The following CDK14 variants were observed in gnomAD, a reference collection of about 807,000 sequenced individuals.
CDK14 encodes the protein cyclin dependent kinase 14, also known as cyclin-dependent kinase 14.
In CDK14, 34 loss-of-function variants were observed where a neutral mutation model predicts 60.7. The observed-to-expected ratio is 0.56, with a 90% CI of 0.43 to 0.75. The LOEUF is 0.75. Ranked by LOEUF, CDK14 falls within the 30% of genes least tolerant of loss-of-function variation. The probability of loss-of-function intolerance (pLI) is 0.00; values close to 1 mark genes in which losing one functional copy is unlikely to be tolerated. For synonymous variants in CDK14, 197 were observed against 203.7 expected, an observed-to-expected ratio of 0.97 and a Z score of 0.28; for missense variants, 482 against 564.1, an observed-to-expected ratio of 0.85 and a Z score of 1.47.
intron 12 of CDK14, among the ~76,000 whole-genome samples, chr7:91,097,817 G>A (rs921968172): frequency 1.3e-5 from 2 of 152,122 alleles, no homozygotes; most frequent in African/African-American, 2.4e-5. Flanking sequence ...GAAAAACATC[G>A]CTAGCACGTA....
chr7:90,894,833 C>T (rs1424533664), intron 6 of CDK14, among the ~76,000 whole-genome samples: 3 of 152,208 alleles, frequency 2.0e-5, no homozygotes, highest in African/African-American at 7.2e-5. Context: ...TAGAGGATCA[C>T]ATTAACATAT....
intron 2 of CDK14, among the ~76,000 whole-genome samples, chr7:90,668,893 AT>A (rs59557254): frequency 6.8e-6 from 1 of 147,148 alleles, no homozygotes; most frequent in African/African-American, 2.5e-5. Context: ...TTGTTTATTT[AT>A]TTTTTTTTAC....
chr7:90,732,296 AT>A (rs1423906259), intron 3 of CDK14, among the ~76,000 whole-genome samples: 1 of 151,656 alleles, frequency 6.6e-6, no homozygotes, highest in African/African-American at 2.4e-5. Context: ...TTGGCTTGAA[AT>A]TTTCTTTTTT....
At chr7:91,165,322 G>T (rs1801312784) in intron 14 of CDK14, among the ~76,000 whole-genome samples, 1 of 152,170 alleles carries the variant, frequency 6.6e-6, no homozygotes, top group Admixed American at 6.5e-5. Context: ...AGGAGTTTGT[G>T]CCATTTATCT....
Position 90,701,524 on chromosome 7 carries a change from AC to A in CDK14, c.124-25041del, listed in dbSNP as rs565785363. On this transcript the variant is annotated intron_variant, in intron 2 of 14. Coordinates refer to ENST00000380050, the MANE Select transcript of CDK14 (RefSeq NM_001287135.2). The stretch of plus-strand genomic sequence containing the variant: ...ACTGCTATTAAACCCATCCTTTCCT[AC>A]CATTATATAAGTTAACATCTATCTT... Among the ~76,000 whole-genome samples the A allele has an allele frequency of 6.6e-5, 10 of 152,252 alleles. No individual in the cohort carries two copies. The South Asian group carries it at 2.1e-3, about 32-fold the overall frequency.
chr7:90,630,212 C>A (rs1799963558), intron 2 of CDK14, among the ~76,000 whole-genome samples: 1 of 152,150 alleles, frequency 6.6e-6, no homozygotes, highest in Non-Finnish European at 1.5e-5. Context: ...GATGGGGGCA[C>A]ATTCTGAGAA....
chr7:90,605,341 C>A (rs1022850507), intron 2 of CDK14, among the ~76,000 whole-genome samples: 1 of 152,178 alleles, frequency 6.6e-6, no homozygotes, highest in African/African-American at 2.4e-5. Flanking sequence ...CTGAGCTTTA[C>A]AAAGCTGTGT....
At chr7:90,774,660 G>A (rs1178827549) in intron 4 of CDK14, among the ~76,000 whole-genome samples, 1 of 152,086 alleles carries the variant, frequency 6.6e-6, no homozygotes, top group East Asian at 1.9e-4. Context: ...ACTTTCACCA[G>A]GCTACTGTGA....
intron 5 of CDK14, among the ~76,000 whole-genome samples, chr7:90,805,239 A>G (rs1788777324): frequency 6.6e-6 from 1 of 152,266 alleles, no homozygotes; most frequent in Non-Finnish European, 1.5e-5. Flanking sequence ...CTTTAAAAAA[A>G]TGTAACCCAT....
chr7:90,848,325 G>A (rs953442113), intron 5 of CDK14, among the ~76,000 whole-genome samples: 2 of 152,052 alleles, frequency 1.3e-5, no homozygotes, highest in Admixed American at 6.6e-5. Context: ...CAAGTGATTT[G>A]CCCGCCTTGG....
At chr7:91,147,162 T>TCTCTCTCTCTCTCTCACA (rs1438870514) in intron 14 of CDK14, among the ~76,000 whole-genome samples, 5 of 124,746 alleles carry the variant, frequency 4.0e-5, no homozygotes, top group African/African-American at 1.7e-4. Context: ...TCTCTCTCTC[T>TCTCTCTCTCTCTCTCACA]CACACACACA....
chr7:90,883,570 C>T (rs1222838457), intron 6 of CDK14, among the ~76,000 whole-genome samples: 1 of 152,158 alleles, frequency 6.6e-6, no homozygotes, highest in Non-Finnish European at 1.5e-5. Flanking sequence ...AAGAGGGGCC[C>T]CTTCCTAACT....
Position 90,935,567 on chromosome 7 carries a change from A to G in CDK14, c.826+17843A>G, listed in dbSNP as rs115986815. On this transcript the variant is annotated intron_variant, in intron 8 of 14. Transcript: ENST00000380050. Reference sequence around the variant, plus strand: ...AACATTTGCTTATTATCTTATGATTACAGTAGCTATAAATTCCTTAATTGC... The same window carrying G: ...AACATTTGCTTATTATCTTATGATTGCAGTAGCTATAAATTCCTTAATTGC... Among the ~76,000 whole-genome samples the G allele has an allele frequency of 3.1e-3, 466 of 152,366 alleles. 2 individuals are homozygous for G. Among genetic ancestry groups the G allele is most frequent in the African/African-American group, 0.01 (428 of 41,590 alleles).
At chr7:90,608,837 A>G (rs1161779380) in intron 2 of CDK14, among the ~76,000 whole-genome samples, 3 of 151,852 alleles carry the variant, frequency 2.0e-5, no homozygotes, top group Admixed American at 6.5e-5. Context: ...AGCGTATAAA[A>G]TTAAAAAAAA....
chr7:90,735,793 C>G (rs1039331770), intron 3 of CDK14, among the ~76,000 whole-genome samples: 2 of 152,240 alleles, frequency 1.3e-5, no homozygotes, highest in Admixed American at 6.5e-5. Context: ...AGCCAGACCA[C>G]TTGGCTCCCT....
At chr7:90,965,162 C>T (rs901589861) in intron 9 of CDK14, among the ~76,000 whole-genome samples, 3 of 152,088 alleles carry the variant, frequency 2.0e-5, no homozygotes, top group East Asian at 1.9e-4. Context: ...CCCACTCATC[C>T]CCATCCCCAC....
intron 2 of CDK14, among the ~76,000 whole-genome samples, chr7:90,631,596 T>C (rs936716479): frequency 3.9e-5 from 6 of 152,182 alleles, no homozygotes; most frequent in East Asian, 3.9e-4. Flanking sequence ...TGAAGACTTA[T>C]AGACTGGGGA....
chr7:91,106,867 C>T (rs1025065121), intron 12 of CDK14, among the ~76,000 whole-genome samples: 1 of 152,200 alleles, frequency 6.6e-6, no homozygotes, highest in Non-Finnish European at 1.5e-5. Flanking sequence ...CTTGGTCATG[C>T]ATTTGCAAAG....
intron 5 of CDK14, among the ~76,000 whole-genome samples, chr7:90,849,027 A>G (rs1790558011): frequency 6.6e-6 from 1 of 152,026 alleles, no homozygotes. Context: ...CAGTTTCCTC[A>G]TTGATTGAGT....
Sources: allele counts gnomAD v4.1 joint callset (sites outside exome capture counted in the v4.1 genomes callset), GRCh38; gene constraint gnomAD v4.1.1; transcripts MANE v1.5; gene names NCBI Gene and HGNC (gene_info 2026-07-23, HGNC 2026-07-21).